SZT2: variants seen among roughly 807,000 people sequenced by gnomAD.
SZT2 encodes the protein SZT2 subunit of KICSTOR complex.
In SZT2, 216 loss-of-function variants were observed where a neutral mutation model predicts 404.2. That is an observed-to-expected ratio of 0.53 (90% CI 0.48 to 0.60). The LOEUF (loss-of-function observed/expected upper bound fraction) is 0.60. Ranked by LOEUF, SZT2 falls within the 20% of genes least tolerant of loss-of-function variation. SZT2 has a pLI of 0.00. For missense variants in SZT2, 3,857 were observed against 4,459.2 expected, an observed-to-expected ratio of 0.86 and a Z score of 3.85; for synonymous variants, 1,693 against 1,749.9, an observed-to-expected ratio of 0.97 and a Z score of 0.81.
chr1:43,421,057 T>TGG, intron 10 of SZT2, 74 bp downstream of exon 10: 3 of 1,593,996 alleles, frequency 1.9e-6, no homozygotes, highest in Non-Finnish European at 2.6e-6. Flanking sequence ...AGGCGGGAGC[T>TGG]GGGGAGCATC....
intron 10 of SZT2, 83 bp from the exon 11 acceptor site, chr1:43,421,091 C>T: frequency 6.3e-7 from 1 of 1,595,546 alleles, no homozygotes. Context: ...GGCTTATATC[C>T]AGGGTCCCAT....
chr1:43,451,953 G>A lies in SZT2; in HGVS notation c.*1473G>A, dbSNP rs1475596836. On this transcript the variant is annotated 3_prime_UTR_variant, in exon 72 of 72. Coordinates refer to ENST00000634258, the MANE Select transcript of SZT2 (RefSeq NM_001365999.1). ...GTCGTACCCTGCTGGGGCGTGTCCA[G>A]GAAGTACTGGGGGTCAGTGATGCGG... 1 of 1,612,242 alleles carries A rather than the reference G, an allele frequency of 6.2e-7. No homozygotes were observed. Among genetic ancestry groups the A allele is most frequent in the Admixed American group, 1.7e-5 (1 of 59,970 alleles).
At chr1:43,444,523 C>T (rs1655450182) in intron 62 of SZT2, among the ~76,000 whole-genome samples, 1 of 151,684 alleles carries the variant, frequency 6.6e-6, no homozygotes. Context: ...GTCCTTTTCT[C>T]ACCAAGGACC....
chr1:43,404,355 T>C lies in SZT2; in HGVS notation c.328-25T>C, dbSNP rs757232559. 1.4e-5 allele frequency: 22 copies of C among 1,600,518 alleles called. No homozygotes were observed. The East Asian group carries it at 3.1e-4, about 23-fold the overall frequency. On this transcript the variant is annotated intron_variant, in intron 3 of 71. Coordinates refer to ENST00000634258, the MANE Select transcript of SZT2 (RefSeq NM_001365999.1). Reference sequence around the variant, plus strand: ...TGGTTAGGGCTGCCTTTGGACCCCCTTGAGTGCTCTTTCTCTGCCCTCAGG... The same window carrying C: ...TGGTTAGGGCTGCCTTTGGACCCCCCTGAGTGCTCTTTCTCTGCCCTCAGG...
intron 42 of SZT2, 104 bp downstream of exon 42, chr1:43,435,433 A>G (rs1298605909): frequency 7.6e-7 from 1 of 1,323,232 alleles, no homozygotes; most frequent in African/African-American, 1.4e-5. Context: ...TTACTTGGTC[A>G]TCAGTGCCAA....
Position 43,448,901 on chromosome 1 carries a change from G to A in SZT2, c.10086+173G>A, listed in dbSNP as rs1388365934. 6.1e-6 allele frequency: 4 copies of A among 653,978 alleles called. No individual in the cohort carries two copies. In the East Asian group the frequency reaches 7.8e-5, roughly 13 times the overall value. 40.5% of individuals were successfully genotyped at this position (653,978 alleles called of 1,614,324 possible). A position where few individuals can be genotyped will look rare whatever the true frequency, so the allele number is the denominator to read the frequency against. On this transcript the variant is annotated intron_variant, in intron 70 of 71. Coordinates refer to ENST00000634258, the MANE Select transcript of SZT2 (RefSeq NM_001365999.1). The surrounding 1 kb of genome is among the most constrained non-coding windows in gnomAD (Gnocchi z 4.2). ...AGTACCGGGCATCGAGCTACAGCAT[G>A]TGATTCTCTGAGCAGCTCTGCCCTC...
intron 4 of SZT2, among the ~76,000 whole-genome samples, chr1:43,407,931 C>G (rs922015629): frequency 7.0e-6 from 1 of 142,910 alleles, no homozygotes; most frequent in Non-Finnish European, 1.5e-5. Flanking sequence ...CTCCTGGGTT[C>G]AGGTGATTCT....
At position 43,435,315 on chromosome 1, in the gene SZT2, C is replaced by T; in HGVS notation, c.6020C>T (p.Pro2007Leu). Residue 2007 changes from proline to leucine, a missense_variant, in exon 42 of 72, where the codon CCA (proline) becomes CTA (leucine). Coordinates refer to ENST00000634258, the MANE Select transcript of SZT2 (RefSeq NM_001365999.1). ...ETPFHSRQRAPLPSDDYAADE... is the reference protein window; with the variant it reads ...ETPFHSRQRALLPSDDYAADE... ...CCCTTCCACTCCCGTCAGCGGGCAC[C>T]ACTGCCCAGTGATGGTGAGATCCCA... The T allele has an allele frequency of 1.1e-5, 18 of 1,614,184 alleles. No homozygotes were observed. The highest frequency in any genetic ancestry group is 1.4e-5 in the Non-Finnish European group (16 of 1,180,028).
intron 62 of SZT2, among the ~76,000 whole-genome samples, chr1:43,444,447 A>G (rs1252155129): frequency 6.6e-6 from 1 of 152,054 alleles, no homozygotes; most frequent in Non-Finnish European, 1.5e-5. Context: ...CTAGGACTTA[A>G]TGATTCCTGT....
Position 43,430,679 on chromosome 1 carries a change from C to T in SZT2, c.4664C>T (p.Pro1555Leu), listed in dbSNP as rs199717851. Residue 1555 changes from proline (P) to leucine (L), a missense_variant, in exon 32 of 72, where the codon CCT becomes CTT. Coordinates refer to ENST00000634258, the MANE Select transcript of SZT2 (RefSeq NM_001365999.1). ...TTGGGGGGCGACTCACCCACTGGGCCTGAGAGCTTCCTTCATGACCTGCCA... is the reference window on the plus strand; with the variant it reads ...TTGGGGGGCGACTCACCCACTGGGCTTGAGAGCTTCCTTCATGACCTGCCA... ...SILGGDSPTGPESFLHDLPPL... is the reference protein window; with the variant it reads ...SILGGDSPTGLESFLHDLPPL... 1 of 1,614,066 alleles carries T rather than the reference C, an allele frequency of 6.2e-7. No homozygotes were observed. The highest frequency in any genetic ancestry group is 1.1e-5 in the South Asian group (1 of 91,082).
Position 43,440,517 on chromosome 1 carries a change from T to G in SZT2, c.7275T>G (p.Pro2425=), listed in dbSNP as rs771745066. The change falls in exon 52 of 72, where the codon CCT becomes CCG. Residue 2425 remains proline, a synonymous_variant. Transcript: ENST00000634258. The part of the protein sequence containing the change: ...SSAGRASTFP[P]APVPGEPVTP... The stretch of plus-strand genomic sequence containing the variant: ...CAGGCCGAGCTAGCACCTTTCCCCC[T>G]GCCCCTGTCCCTGGGGAGCCTGTGA... The G allele has an allele frequency of 6.2e-7, 1 of 1,609,098 alleles. No homozygotes were observed. Among genetic ancestry groups the G allele is most frequent in the South Asian group, 1.1e-5 (1 of 90,424 alleles).
Position 43,452,930 on chromosome 1 carries a change from T to TA in SZT2, c.*2451dup. 2 of 1,607,882 alleles carry TA rather than the reference T, an allele frequency of 1.2e-6. No individual in the cohort carries two copies. The highest frequency in any genetic ancestry group is 1.7e-6 in the Non-Finnish European group (2 of 1,177,934). The stretch of plus-strand genomic sequence containing the variant: ...GTCCAGCCTCAGGAACGCTGCCAAA[T>TA]ACACCAGGCCTCCTCTTGCCACAGC... On this transcript the variant is annotated 3_prime_UTR_variant, in exon 72 of 72. Coordinates refer to ENST00000634258, the MANE Select transcript of SZT2 (RefSeq NM_001365999.1).
chr1:43,446,264 G>C lies in SZT2; in HGVS notation c.8997+5G>C. On this transcript the variant is annotated splice_donor_5th_base_variant and intron_variant, in intron 64 of 71. Transcript: ENST00000634258. ...CTCATGGAACTGGCATTCCAGGTAA[G>C]CAGGAGGAGCACTGAGTGGAGACAG... 1.2e-6 allele frequency: 2 copies of C among 1,614,256 alleles called. No individual in the cohort carries two copies. The highest frequency in any genetic ancestry group is 1.7e-6 in the Non-Finnish European group (2 of 1,180,056).
chr1:43,446,104 G>A, intron 63 of SZT2, 75 bp from the exon 64 acceptor site: 1 of 1,597,146 alleles, frequency 6.3e-7, no homozygotes, highest in Non-Finnish European at 8.6e-7. Context: ...TTAAAGTCAG[G>A]GTCCAAGGGA....
chr1:43,402,379 G>A (rs964582452), intron 1 of SZT2, among the ~76,000 whole-genome samples: 3 of 152,242 alleles, frequency 2.0e-5, no homozygotes, highest in Non-Finnish European at 2.9e-5. Flanking sequence ...CTCCTGTGGG[G>A]AACAGGAAAG....
chr1:43,441,913 G>A lies in SZT2; in HGVS notation c.7743-87G>A. ...CAAACCTGAGGAAGCTGAGCTAGGA[G>A]AGGTGGAAACAAGGCCCAGGGAGGT... On this transcript the variant is annotated intron_variant, in intron 55 of 71. Coordinates refer to ENST00000634258, the MANE Select transcript of SZT2 (RefSeq NM_001365999.1). The surrounding 1 kb of genome is among the most constrained non-coding windows in gnomAD (Gnocchi z 4.8). The A allele has an allele frequency of 6.3e-7, 1 of 1,594,560 alleles. No homozygotes were observed. Among genetic ancestry groups the A allele is most frequent in the Non-Finnish European group, 8.6e-7 (1 of 1,167,408 alleles).
Position 43,389,916 on chromosome 1 carries a change from G to A in SZT2, c.-53G>A, listed in dbSNP as rs1176801481. 2 of 1,534,798 alleles carry A rather than the reference G, an allele frequency of 1.3e-6. No homozygotes were observed. The highest frequency in any genetic ancestry group is 1.8e-6 in the Non-Finnish European group (2 of 1,141,728). On this transcript the variant is annotated 5_prime_UTR_variant, in exon 1 of 72. Coordinates refer to ENST00000634258, the MANE Select transcript of SZT2 (RefSeq NM_001365999.1). The stretch of plus-strand genomic sequence containing the variant: ...TGGGTGCCGAGGTAGCGAGGTCAGG[G>A]GTCAAGAGTGGAACACCCTCACTGG...
In SZT2 at chr1:43,452,431, G is replaced by T; in HGVS notation, c.*1951G>T. The T allele has an allele frequency of 1.2e-6, 1 of 835,602 alleles. No homozygotes were observed. The highest frequency in any genetic ancestry group is 2.0e-6 in the Non-Finnish European group (1 of 493,436). 51.8% of individuals were successfully genotyped at this position (835,602 alleles called of 1,614,324 possible). A position where few individuals can be genotyped will look rare whatever the true frequency, so the allele number is the denominator to read the frequency against. ...CGTCTCCCCAGGTCTCCAGTCCATG[G>T]CACCTGGGTCACGATGCCCAGGTAT... On this transcript the variant is annotated 3_prime_UTR_variant, in exon 72 of 72. Transcript: ENST00000634258.
At position 43,439,848 on chromosome 1, in the gene SZT2, G is replaced by A; in HGVS notation, c.7043-33G>A. ...GGGTGGTGAGTAGAGTGGGATCTAG[G>A]GACACCCTCAAGTGTCCCTGTTCTC... On this transcript the variant is annotated intron_variant, in intron 50 of 71. Coordinates refer to ENST00000634258, the MANE Select transcript of SZT2 (RefSeq NM_001365999.1). This position sits in a 1 kb window ranked among gnomAD's most constrained non-coding sequence, Gnocchi z 4.2. 2 of 1,570,712 alleles carry A rather than the reference G, an allele frequency of 1.3e-6. No homozygotes were observed. Among genetic ancestry groups the A allele is most frequent in the Non-Finnish European group, 1.7e-6 (2 of 1,157,794 alleles).
Sources: gnomAD v4.1 joint callset for allele counts (sites outside exome capture counted in the v4.1 genomes callset) on GRCh38, gnomAD v4.1.1 for gene constraint, Gnocchi (gnomAD v3.1) non-coding constraint, MANE v1.5 for transcripts, NCBI Gene and HGNC (gene_info 2026-07-23, HGNC 2026-07-21) for gene names.